Variants in A1BG observed in about 807,000 individuals in gnomAD.
A1BG encodes the protein alpha-1B-glycoprotein.
A1BG carries 44 observed loss-of-function variants against 46.0 expected under a neutral mutation model. The ratio of observed to expected loss-of-function variants is 0.96; its 90% confidence interval spans 0.75 to 1.23. The LOEUF is 1.23. A1BG is among the 50% of genes most tolerant of loss of function. The pLI is 0.00. For synonymous variants in A1BG, 316 were observed against 314.7 expected, an observed-to-expected ratio of 1.00 and a Z score of -0.04; for missense variants, 707 against 688.8, an observed-to-expected ratio of 1.03 and a Z score of -0.30.
intron 6 of A1BG, among the ~76,000 whole-genome samples, chr19:58,348,127 G>A (rs944230537): frequency 1.3e-5 from 2 of 152,212 alleles, no homozygotes; most frequent in Non-Finnish European, 2.9e-5. Flanking sequence ...CGAGGCAGGC[G>A]GATTGCCTGA....
At chr19:58,347,236 C>G (rs2147998000) in intron 7 of A1BG, 117 bp downstream of exon 7, 3 of 1,346,230 alleles carry the variant, frequency 2.2e-6, no homozygotes, top group Non-Finnish European at 2.9e-6. Flanking sequence ...CTGGGGAGAC[C>G]CAGCGCTAAC....
chr19:58,350,219 C>T, intron 6 of A1BG, 151 bp downstream of exon 6: 1 of 1,049,800 alleles, frequency 9.5e-7, no homozygotes, highest in Non-Finnish European at 1.3e-6. Flanking sequence ...CCCTCGACCA[C>T]CGATCGCCTG....
In A1BG at chr19:58,347,399, G is replaced by GTGGGGCACCCAGGAGCGGT; in HGVS notation, c.1415_1433dup (p.His478GlnfsTer72). On this transcript the variant is annotated frameshift_variant, in exon 7 of 8. Transcript: ENST00000263100. LOFTEE classifies it low-confidence loss of function (END_TRUNC). ...GGTCGCTGAGCTCCGATTCGAAGGT[G>GTGGGGCACCCAGGAGCGGT]TGGGGCACCCAGGAGCGGTAGCGGC... 2 of 1,612,182 alleles carry GTGGGGCACCCAGGAGCGGT rather than the reference G, an allele frequency of 1.2e-6. No homozygotes were observed. Among genetic ancestry groups the GTGGGGCACCCAGGAGCGGT allele is most frequent in the Non-Finnish European group, 1.7e-6 (2 of 1,179,704 alleles).
In A1BG at chr19:58,351,593, C is replaced by T; in HGVS notation, c.708G>A (p.Leu236=). ...NKVTLTCVAP[L]SGVDFQLRRG... ...GCCGTAGCTGGAAGTCCACTCCACT[C>T]AGGGGAGCCACGCAGGTGAGGGTCA... The change falls in exon 5 of 8, where the codon CTG becomes CTA. Residue 236 remains leucine, a synonymous_variant. Transcript: ENST00000263100. 6.2e-7 allele frequency: 1 copy of T among 1,613,830 alleles called. No individual in the cohort carries two copies. The highest frequency in any genetic ancestry group is 2.2e-5 in the East Asian group (1 of 44,876).
At chr19:58,349,143 C>G (rs2051935941) in intron 6 of A1BG, 1 of 152,106 alleles carries the variant, frequency 6.6e-6, no homozygotes, top group African/African-American at 2.4e-5. Flanking sequence ...CTCAGCCTCC[C>G]AAGTGGCTGG....
At chr19:58,348,149 C>G (rs899226576) in intron 6 of A1BG, among the ~76,000 whole-genome samples, 3 of 152,142 alleles carry the variant, frequency 2.0e-5, no homozygotes, top group Non-Finnish European at 4.4e-5. Flanking sequence ...CTCAGGAGTT[C>G]CAGACCAGCC....
chr19:58,352,335 A>T lies in A1BG; in HGVS notation c.561T>A (p.Asp187Glu). 1 of 1,613,778 alleles carries T rather than the reference A, an allele frequency of 6.2e-7. No individual in the cohort carries two copies. Among genetic ancestry groups the T allele is most frequent in the Non-Finnish European group, 8.5e-7 (1 of 1,179,972 alleles). The change falls in exon 4 of 8, where the codon GAT (aspartate) becomes GAA (glutamate). Residue 187 changes from aspartate to glutamate, a missense_variant. By Grantham distance (45) the Asp-to-Glu change is conservative. Transcript: ENST00000263100. ...PGNYSCSYRT[D>E]GEGALSEPSA... ...TGGGCTCAGAGAGGGCGCCTTCCCC[A>T]TCGGTCCGGTAGCTGCAGCTGTAGT...
chr19:58,351,106 G>T, intron 5 of A1BG: 1 of 542,606 alleles, frequency 1.8e-6, no homozygotes. Flanking sequence ...CCTCAGCAGA[G>T]GCCCTCAGTG....
chr19:58,350,275 G>A (rs1194372524), intron 6 of A1BG, 95 bp downstream of exon 6: 5 of 1,407,558 alleles, frequency 3.6e-6, no homozygotes, highest in Non-Finnish European at 2.8e-6. Context: ...GGCCCAGAGC[G>A]CCGCCGTCGG....
chr19:58,347,694 G>T (rs1483442380), intron 6 of A1BG, 54 bp from the exon 7 acceptor site: 4 of 862,908 alleles, frequency 4.6e-6, no homozygotes, highest in Non-Finnish European at 6.3e-6. Context: ...CCACGCCCCA[G>T]GCCACACCCC....
chr19:58,350,410 C>G lies in A1BG; in HGVS notation c.1152G>C (p.Gly384=), dbSNP rs1174452912. The G allele has an allele frequency of 3.9e-6, 6 of 1,549,878 alleles. No individual in the cohort carries two copies. Among genetic ancestry groups the G allele is most frequent in the Non-Finnish European group, 2.6e-6 (3 of 1,146,678 alleles). Residue 384 remains glycine (G), a synonymous_variant, in exon 6 of 8, where the codon GGG becomes GGC. Coordinates refer to ENST00000263100, the MANE Select transcript of A1BG (RefSeq NM_130786.4). The stretch of plus-strand genomic sequence containing the variant: ...CCAAGCGCTCGCTGGGCGCGGAGCC[C>G]CCGAAAGGCGGCTTCAGGTCCACGT... ...CVYVDLKPPF[G]GSAPSERLEL...
chr19:58,347,077 GC>G (rs1281447093), intron 7 of A1BG, 48 bp from the exon 8 acceptor site: 1 of 1,606,344 alleles, frequency 6.2e-7, no homozygotes, highest in South Asian at 1.1e-5. Flanking sequence ...GAAATCCTAT[GC>G]CCTCCTCCTC....
chr19:58,348,361 CAAACA>C (rs1345804348), intron 6 of A1BG: 1 of 152,062 alleles, frequency 6.6e-6, no homozygotes, highest in African/African-American at 2.4e-5. Flanking sequence ...CAAAAACAAA[CAAACA>C]AAACAAAACT....
chr19:58,347,682 G>GGCCACGCCCCAGGCCGCGCCCAT, intron 6 of A1BG, 42 bp from the exon 7 acceptor site: 1 of 1,273,748 alleles, frequency 7.9e-7, no homozygotes, highest in Non-Finnish European at 9.9e-7. Flanking sequence ...CCACGCCCCA[G>GGCCACGCCCCAGGCCGCGCCCAT]GCCACGCCCC....
Position 58,350,174 on chromosome 19 carries a change from G to A in A1BG, c.1192+196C>T, listed in dbSNP as rs991133825. On this transcript the variant is annotated intron_variant, in intron 6 of 7. Coordinates refer to ENST00000263100, the MANE Select transcript of A1BG (RefSeq NM_130786.4). ...ACACGTGACCTACGGGCTTGCGTCC[G>A]TGGGAAATAAGCCGAAATTCCAGGC... The A allele has an allele frequency of 7.1e-6, 5 of 701,160 alleles. No individual in the cohort carries two copies. In the African/African-American group the frequency reaches 7.5e-5, roughly 10 times the overall value. 43.4% of individuals were successfully genotyped at this position (701,160 alleles called of 1,614,324 possible).
In A1BG at chr19:58,351,795, C is replaced by CTTT. The variant is rs11452992; in HGVS notation, c.614-111_614-109dup. ...GCAATCCCAGGAACACCCTTCCATT[C>CTTT]TTTTTTTTTTTTTTTTTTGAAACGG... On this transcript the variant is annotated intron_variant, in intron 4 of 7. Coordinates refer to ENST00000263100, the MANE Select transcript of A1BG (RefSeq NM_130786.4). 2.2e-3 allele frequency: 1,639 copies of CTTT among 758,958 alleles called. 1 individual carries two copies. The highest frequency in any genetic ancestry group is 2.8e-3 in the Non-Finnish European group (1,442 of 509,606). The allele number at this position is 758,958 out of a possible 1,614,324, so 47.0% of individuals were successfully genotyped here.
In A1BG at chr19:58,353,106, C is replaced by T; in HGVS notation, c.162G>A (p.Glu54=). The change falls in exon 3 of 8, where the codon GAG becomes GAA. Residue 54 remains glutamate, a synonymous_variant. Transcript: ENST00000263100. ...NVTLTCQAHL[E]TPDFQLFKNG... The stretch of plus-strand genomic sequence containing the variant: ...TCTTGAACAGCTGGAAGTCTGGAGT[C>T]TCCAGGTGGGCCTGGCACGTCAGCG... 6.2e-7 allele frequency: 1 copy of T among 1,614,188 alleles called. No individual in the cohort carries two copies. The highest frequency in any genetic ancestry group is 8.5e-7 in the Non-Finnish European group (1 of 1,180,042).
Position 58,351,984 on chromosome 19 carries a change from C to T in A1BG, c.614-297G>A, listed in dbSNP as rs147703304. 1,114 of 949,226 alleles carry T rather than the reference C, an allele frequency of 1.2e-3. 27 individuals are homozygous for T. In the East Asian group the frequency reaches 0.029, roughly 25 times the overall value. 58.8% of individuals were successfully genotyped at this position (949,226 alleles called of 1,614,324 possible). The stretch of plus-strand genomic sequence containing the variant: ...CTAATTTTTGTATTTTTAGTAGAGA[C>T]GGGGTTTCGTCATGTTGGGTAGACT... On this transcript the variant is annotated intron_variant, in intron 4 of 7. Coordinates refer to ENST00000263100, the MANE Select transcript of A1BG (RefSeq NM_130786.4).
At chr19:58,351,243 G>GT (rs2051954932) in intron 5 of A1BG, 148 bp downstream of exon 5, 1 of 1,011,572 alleles carries the variant, frequency 9.9e-7, no homozygotes, top group Non-Finnish European at 1.5e-6. Flanking sequence ...CATATTTGCA[G>GT]TTTAGGACCC....
Sources: allele counts gnomAD v4.1 joint callset (sites outside exome capture counted in the v4.1 genomes callset), GRCh38; gene constraint gnomAD v4.1.1; transcripts MANE v1.5; gene names NCBI Gene and HGNC (gene_info 2026-07-23, HGNC 2026-07-21).